The following ABCD3 variants were observed in gnomAD, a reference collection of about 807,000 sequenced individuals.
The protein encoded by ABCD3 is ATP-binding cassette sub-family D member 3.
ABCD3 carries 41 observed loss-of-function variants against 105.5 expected under a neutral mutation model. The observed-to-expected ratio is 0.39, with a 90% CI of 0.30 to 0.50. The LOEUF (loss-of-function observed/expected upper bound fraction) is 0.50. Among genes scored for constraint, ABCD3 ranks in the 20% least tolerant of loss-of-function variants. The pLI, the probability that ABCD3 is intolerant of heterozygous loss-of-function variation, is 0.84. For missense variants in ABCD3, 622 were observed against 806.3 expected (o/e 0.77, Z 2.77); for synonymous variants, 258 against 269.0 (o/e 0.96, Z 0.40).
Position 94,470,021 on chromosome 1 carries a change from A to G in ABCD3, c.335+2014A>G, listed in dbSNP as rs1557676453. ...AATTTGCTTTTATCATTATTTTGGGAATTTCTTTCATCTTTGTATCCTGAA... is the reference window on the plus strand; with the variant it reads ...AATTTGCTTTTATCATTATTTTGGGGATTTCTTTCATCTTTGTATCCTGAA... On this transcript the variant is annotated intron_variant, in intron 4 of 22. Transcript: ENST00000370214. Among the ~76,000 whole-genome samples, 3 of 151,964 alleles carry G rather than the reference A, an allele frequency of 2.0e-5. No individual in the cohort carries two copies. In the East Asian group the frequency reaches 5.8e-4, roughly 29 times the overall value.
At chr1:94,459,188 A>ATG (rs1256087255) in intron 2 of ABCD3, among the ~76,000 whole-genome samples, 2 of 151,800 alleles carry the variant, frequency 1.3e-5, no homozygotes, top group Non-Finnish European at 2.9e-5. Context: ...GGGACTGTAG[A>ATG]TGTGAGCCAC....
chr1:94,475,973 A>AT (rs1648717509), intron 7 of ABCD3, among the ~76,000 whole-genome samples: 1 of 152,110 alleles, frequency 6.6e-6, no homozygotes, highest in Non-Finnish European at 1.5e-5. Context: ...TTTTCTAAGA[A>AT]TTTTGCAGGT....
chr1:94,503,887 C>T (rs1183456766), intron 20 of ABCD3, among the ~76,000 whole-genome samples: 1 of 148,378 alleles, frequency 6.7e-6, no homozygotes, highest in African/African-American at 2.5e-5. Context: ...CAACCTTCAC[C>T]TCTCAGGTAC....
chr1:94,497,009 T>G (rs1649850740), intron 16 of ABCD3, among the ~76,000 whole-genome samples: 1 of 151,948 alleles, frequency 6.6e-6, no homozygotes, highest in Admixed American at 6.6e-5. Context: ...GTGGTAAAGG[T>G]GGGGGCTAGA....
chr1:94,498,001 G>T (rs1649901757), intron 16 of ABCD3, among the ~76,000 whole-genome samples: 1 of 152,062 alleles, frequency 6.6e-6, no homozygotes, highest in Admixed American at 6.6e-5. Flanking sequence ...TGTATTTATT[G>T]TTTTCAAGAA....
chr1:94,475,871 AGTT>A (rs535726169), intron 7 of ABCD3, 134 bp downstream of exon 7: 71 of 716,548 alleles, frequency 9.9e-5, no homozygotes, highest in Middle Eastern at 4.2e-4. Context: ...AGAAAATTAG[AGTT>A]GTTGTAATAG....
At chr1:94,503,413 CCTT>C (rs1650197273) in intron 20 of ABCD3, among the ~76,000 whole-genome samples, 1 of 152,134 alleles carries the variant, frequency 6.6e-6, no homozygotes, top group African/African-American at 2.4e-5. Flanking sequence ...GATATGTCAT[CCTT>C]CTTGAGAAAG....
At chr1:94,506,991 T>A (rs1031895634) in intron 21 of ABCD3, among the ~76,000 whole-genome samples, 6 of 151,874 alleles carry the variant, frequency 4.0e-5, no homozygotes, top group South Asian at 4.1e-4. Context: ...ATTTATTTTT[T>A]AATTTATTAT....
intron 19 of ABCD3, 62 bp downstream of exon 19, chr1:94,499,096 T>C (rs918338805): frequency 2.1e-6 from 3 of 1,407,218 alleles, no homozygotes; most frequent in Admixed American, 3.4e-5. Context: ...TTTTAATCAA[T>C]TAAGTATTTT....
intron 2 of ABCD3, among the ~76,000 whole-genome samples, chr1:94,463,784 C>A (rs1217517678): frequency 6.6e-6 from 1 of 152,104 alleles, no homozygotes; most frequent in Non-Finnish European, 1.5e-5. Flanking sequence ...TCTTTTAAAT[C>A]CCTCTACACT....
At chr1:94,511,135 G>C (rs1252618180) in intron 21 of ABCD3, among the ~76,000 whole-genome samples, 1 of 151,988 alleles carries the variant, frequency 6.6e-6, no homozygotes, top group Non-Finnish European at 1.5e-5. Flanking sequence ...GGTACCAGTT[G>C]TTCCTTTCCA....
At chr1:94,483,803 T>G (rs994023685) in intron 10 of ABCD3, among the ~76,000 whole-genome samples, 5 of 152,030 alleles carry the variant, frequency 3.3e-5, no homozygotes, top group East Asian at 1.9e-4. Context: ...GGGATCTAAT[T>G]AAACTAAAGA....
chr1:94,496,046 G>C (rs1433765551), intron 16 of ABCD3, among the ~76,000 whole-genome samples: 1 of 152,150 alleles, frequency 6.6e-6, no homozygotes, highest in African/African-American at 2.4e-5. Context: ...GATCAACTAT[G>C]TGTTAGGCTG....
At chr1:94,412,755 C>T in the ABCD3 span, among the ~76,000 whole-genome samples, 1 of 152,182 alleles carries the variant, frequency 6.6e-6, no homozygotes, top group Non-Finnish European at 1.5e-5. Context: ...TCAAAAATTA[C>T]AGTGTTACCA....
intron 21 of ABCD3, among the ~76,000 whole-genome samples, chr1:94,508,435 A>G (rs539392118): frequency 0.014 from 2,197 of 152,026 alleles, 53 homozygotes; most frequent in African/African-American, 0.051. Context: ...TGATGCCTCC[A>G]GCTTTGTTCT....
At chr1:94,493,899 A>T (rs1445711210) in intron 16 of ABCD3, among the ~76,000 whole-genome samples, 2 of 151,654 alleles carry the variant, frequency 1.3e-5, no homozygotes, top group South Asian at 2.1e-4. Flanking sequence ...AACAATGAGA[A>T]CACATGGACA....
At chr1:94,447,287 G>A (rs1237655263) in intron 1 of ABCD3, among the ~76,000 whole-genome samples, 1 of 152,090 alleles carries the variant, frequency 6.6e-6, no homozygotes, top group Non-Finnish European at 1.5e-5. Flanking sequence ...AAAAAATCAG[G>A]TAAATAGAGA....
At chr1:94,415,887 T>A (rs1410390834), upstream of ABCD3, among the ~76,000 whole-genome samples, 3 of 152,236 alleles carry the variant, frequency 2.0e-5, no homozygotes, top group African/African-American at 7.2e-5. Flanking sequence ...ATTCCTCTGC[T>A]GTATAGTATC....
At chr1:94,442,328 T>C (rs879566141) in intron 1 of ABCD3, among the ~76,000 whole-genome samples, 1 of 152,224 alleles carries the variant, frequency 6.6e-6, no homozygotes. Context: ...ACTTCCATAT[T>C]TTTATGGAAC....
Sources: allele counts gnomAD v4.1 joint callset (sites outside exome capture counted in the v4.1 genomes callset), GRCh38; gene constraint gnomAD v4.1.1; transcripts MANE v1.5; gene names NCBI Gene and HGNC (gene_info 2026-07-23, HGNC 2026-07-21).